ARFIP1: variants seen among roughly 807,000 people sequenced by gnomAD.
ARFIP1 encodes the protein ARF interacting protein 1, also known as arfaptin-1.
Under a neutral mutation model 42.5 loss-of-function variants are expected in ARFIP1, and 24 were observed. The observed-to-expected ratio is 0.57, with a 90% CI of 0.41 to 0.80. The LOEUF (loss-of-function observed/expected upper bound fraction) is 0.80. Among genes scored for constraint, ARFIP1 ranks in the 30% least tolerant of loss-of-function variants. ARFIP1 has a pLI of 0.00. For missense variants in ARFIP1, 354 were observed against 434.0 expected, an observed-to-expected ratio of 0.82 and a Z score of 1.64; for synonymous variants, 141 against 153.7, an observed-to-expected ratio of 0.92 and a Z score of 0.61.
chr4:152,905,607 C>T (rs1738287244), intron 8 of ARFIP1, among the ~76,000 whole-genome samples: 1 of 113,840 alleles, frequency 8.8e-6, no homozygotes, highest in East Asian at 2.9e-4. Context: ...GGCTGGAGTG[C>T]AGTGGCGCGA....
intron 1 of ARFIP1, among the ~76,000 whole-genome samples, chr4:152,813,112 GA>G (rs140644091): frequency 0.012 from 1,796 of 152,276 alleles, 40 homozygotes; most frequent in African/African-American, 0.041. Flanking sequence ...GAAAATATTT[GA>G]GGGGGAAAAA....
intron 1 of ARFIP1, among the ~76,000 whole-genome samples, chr4:152,806,156 T>C (rs1172778632): frequency 6.6e-6 from 1 of 152,232 alleles, no homozygotes; most frequent in African/African-American, 2.4e-5. Context: ...TTGCCTTTCT[T>C]TAGATATTCT....
chr4:152,792,574 C>T (rs1262199820), intron 1 of ARFIP1, among the ~76,000 whole-genome samples: 2 of 152,110 alleles, frequency 1.3e-5, no homozygotes, highest in Admixed American at 6.5e-5. Context: ...AACACTCCTG[C>T]CACAGATCCT....
intron 8 of ARFIP1, among the ~76,000 whole-genome samples, chr4:152,907,991 A>G (rs1446563766): frequency 6.6e-6 from 1 of 152,230 alleles, no homozygotes; most frequent in Non-Finnish European, 1.5e-5. Context: ...ACATATTTAT[A>G]CACCCGTCAA....
At chr4:152,832,143 T>G (rs976467023) in intron 2 of ARFIP1, among the ~76,000 whole-genome samples, 1 of 151,906 alleles carries the variant, frequency 6.6e-6, no homozygotes, top group Non-Finnish European at 1.5e-5. Flanking sequence ...TACCCAAGAG[T>G]GAAATTGCCA....
chr4:152,869,973 G>A (rs1734741540), intron 3 of ARFIP1, among the ~76,000 whole-genome samples: 2 of 152,190 alleles, frequency 1.3e-5, no homozygotes, highest in Non-Finnish European at 2.9e-5. Context: ...CTGATAATCA[G>A]TAGATCTTTT....
intron 1 of ARFIP1, among the ~76,000 whole-genome samples, chr4:152,795,721 C>T (rs531372477): frequency 6.7e-5 from 10 of 149,554 alleles, no homozygotes; most frequent in East Asian, 2.0e-4. Flanking sequence ...AAAATTTTTG[C>T]GAGTCTAATA....
intron 2 of ARFIP1, among the ~76,000 whole-genome samples, chr4:152,840,841 C>G (rs1732009103): frequency 6.6e-6 from 1 of 151,454 alleles, no homozygotes; most frequent in Non-Finnish European, 1.5e-5. Flanking sequence ...ACCTCAGCCT[C>G]CGGAGTAGCT....
intron 2 of ARFIP1, among the ~76,000 whole-genome samples, chr4:152,845,083 A>T (rs1732426334): frequency 6.6e-6 from 1 of 152,254 alleles, no homozygotes; most frequent in Non-Finnish European, 1.5e-5. Context: ...GATTATTGAC[A>T]AAGTCAACAA....
At chr4:152,850,556 A>C (rs1229351178) in intron 2 of ARFIP1, 1 of 152,218 alleles carries the variant, frequency 6.6e-6, no homozygotes, top group Non-Finnish European at 1.5e-5. Context: ...GCAGTTCTCT[A>C]CAACAGTTCC....
In ARFIP1 at chr4:152,897,611, T is replaced by G. The variant is rs182463445; in HGVS notation, c.966+9304T>G. ...TCACTTTGAATGAAAAGAATTCACT[T>G]TAAAAATTTACTTTTTAATCATTAT... On this transcript the variant is annotated intron_variant, in intron 8 of 8. Transcript: ENST00000353617. Among the ~76,000 whole-genome samples, 43 of 152,336 alleles carry G rather than the reference T, an allele frequency of 2.8e-4. No homozygotes were observed. In the East Asian group the frequency reaches 7.5e-3, roughly 27 times the overall value.
intron 5 of ARFIP1, among the ~76,000 whole-genome samples, chr4:152,873,990 T>A (rs1048860858): frequency 2.0e-5 from 3 of 152,236 alleles, no homozygotes; most frequent in African/African-American, 7.2e-5. Context: ...TAAGACTATA[T>A]CTGCCTCCTC....
intron 5 of ARFIP1, among the ~76,000 whole-genome samples, chr4:152,877,683 A>T (rs1456378931): frequency 6.6e-6 from 1 of 152,068 alleles, no homozygotes; most frequent in East Asian, 1.9e-4. Flanking sequence ...CCCAAATCTC[A>T]ACTTGAGTTG....
intron 1 of ARFIP1, among the ~76,000 whole-genome samples, chr4:152,795,411 C>T (rs766018874): frequency 2.6e-5 from 4 of 152,130 alleles, no homozygotes; most frequent in Non-Finnish European, 5.9e-5. Flanking sequence ...AGTCACTTTC[C>T]TATGTGCCAT....
At chr4:152,857,305 G>GT (rs1035118951) in intron 2 of ARFIP1, among the ~76,000 whole-genome samples, 6 of 152,222 alleles carry the variant, frequency 3.9e-5, no homozygotes, top group Middle Eastern at 3.4e-3. Context: ...CTGAAATAAT[G>GT]TTTTTTTAAA....
intron 2 of ARFIP1, among the ~76,000 whole-genome samples, chr4:152,833,252 A>G (rs543064368): frequency 0.037 from 5,699 of 152,140 alleles, 350 homozygotes; most frequent in African/African-American, 0.13. Flanking sequence ...CAAAAAAAAA[A>G]AAAAAGTACA....
chr4:152,796,430 G>T (rs776788812), intron 1 of ARFIP1: 9 of 741,628 alleles, frequency 1.2e-5, no homozygotes, highest in Non-Finnish European at 2.0e-5. Flanking sequence ...TCTCTTTCCT[G>T]TTTGAATAAC....
At chr4:152,862,524 A>G (rs887805404) in intron 2 of ARFIP1, among the ~76,000 whole-genome samples, 6 of 152,086 alleles carry the variant, frequency 3.9e-5, no homozygotes, top group Non-Finnish European at 8.8e-5. Context: ...TTGTACCAGT[A>G]CATCAAGAAA....
At chr4:152,797,930 T>G (rs1349408293) in intron 1 of ARFIP1, among the ~76,000 whole-genome samples, 2 of 152,158 alleles carry the variant, frequency 1.3e-5, no homozygotes, top group East Asian at 1.9e-4. Flanking sequence ...CTTAACTAGT[T>G]GATTTGGCTA....
Sources: gnomAD v4.1 joint callset for allele counts (sites outside exome capture counted in the v4.1 genomes callset) on GRCh38, gnomAD v4.1.1 for gene constraint, MANE v1.5 for transcripts, NCBI Gene and HGNC (gene_info 2026-07-23, HGNC 2026-07-21) for gene names.